PIP4K2A: variants seen among roughly 807,000 people sequenced by gnomAD.
PIP4K2A encodes the protein phosphatidylinositol-5-phosphate 4-kinase type 2 alpha, also known as phosphatidylinositol 5-phosphate 4-kinase type-2 alpha.
A neutral mutation model predicts 42.9 loss-of-function variants in PIP4K2A; 14 were observed. That is an observed-to-expected ratio of 0.33 (90% CI 0.22 to 0.51). The LOEUF (loss-of-function observed/expected upper bound fraction) is 0.51. Ranked by LOEUF, PIP4K2A falls within the 20% of genes least tolerant of loss-of-function variation. The pLI, the probability that PIP4K2A is intolerant of heterozygous loss-of-function variation, is 0.97. For synonymous variants in PIP4K2A, 192 were observed against 192.2 expected (o/e 1.00, Z 0.01); for missense variants, 434 against 519.8 (o/e 0.83, Z 1.61).
intron 1 of PIP4K2A, among the ~76,000 whole-genome samples, chr10:22,636,278 G>T (rs1838660852): frequency 1.3e-5 from 2 of 152,092 alleles, no homozygotes; most frequent in African/African-American, 2.4e-5. Context: ...TAAAGACAGG[G>T]TCTCATTCTG....
chr10:22,600,457 T>C (rs547479302), intron 3 of PIP4K2A, among the ~76,000 whole-genome samples: 1 of 152,254 alleles, frequency 6.6e-6, no homozygotes, highest in South Asian at 2.1e-4. Flanking sequence ...CCTCATGTTA[T>C]GGATGAGGAA....
At chr10:22,699,137 G>A (rs1208092843) in intron 1 of PIP4K2A, among the ~76,000 whole-genome samples, 1 of 152,022 alleles carries the variant, frequency 6.6e-6, no homozygotes, top group South Asian at 2.1e-4. Context: ...TTGGCGCAAC[G>A]TGCCAAAAAG....
At chr10:22,680,478 A>G (rs549807972) in intron 1 of PIP4K2A, among the ~76,000 whole-genome samples, 2 of 152,320 alleles carry the variant, frequency 1.3e-5, no homozygotes, top group Non-Finnish European at 2.9e-5. Flanking sequence ...CGTACCAGGA[A>G]CTCAAGTGGC....
At chr10:22,686,363 T>C (rs1300702728) in intron 1 of PIP4K2A, among the ~76,000 whole-genome samples, 2 of 152,180 alleles carry the variant, frequency 1.3e-5, no homozygotes, top group African/African-American at 2.4e-5. Flanking sequence ...CCTTTCAGGG[T>C]TCTGAAAACT....
intron 1 of PIP4K2A, among the ~76,000 whole-genome samples, chr10:22,675,450 G>T (rs1839537966): frequency 6.6e-6 from 1 of 152,066 alleles, no homozygotes; most frequent in Admixed American, 6.5e-5. Flanking sequence ...GCCGAACATG[G>T]TGTCGTGTGC....
intron 7 of PIP4K2A, among the ~76,000 whole-genome samples, chr10:22,542,317 G>GGATTTTACCAGATAGCAAGGCTA (rs1836142901): frequency 1.3e-5 from 2 of 152,190 alleles, no homozygotes; most frequent in South Asian, 4.1e-4. Flanking sequence ...CAGGGTGGCT[G>GGATTTTACCAGATAGCAAGGCTA]GATTTCACCA....
At chr10:22,661,120 C>A (rs960982401) in intron 1 of PIP4K2A, among the ~76,000 whole-genome samples, 3 of 152,320 alleles carry the variant, frequency 2.0e-5, no homozygotes, top group Admixed American at 2.0e-4. Flanking sequence ...AAAGTGAACA[C>A]CACTTCAGTT....
At chr10:22,669,278 T>C (rs1839405428) in intron 1 of PIP4K2A, among the ~76,000 whole-genome samples, 1 of 152,090 alleles carries the variant, frequency 6.6e-6, no homozygotes, top group South Asian at 2.1e-4. Context: ...ATAACGACAC[T>C]GCAGTCAAGG....
intron 1 of PIP4K2A, among the ~76,000 whole-genome samples, chr10:22,699,229 T>C (rs1833661169): frequency 6.6e-6 from 1 of 152,308 alleles, no homozygotes; most frequent in Middle Eastern, 3.4e-3. Flanking sequence ...CATTTAACTT[T>C]CCATCTGGGT....
chr10:22,575,514 C>A (rs1214471395), intron 4 of PIP4K2A, among the ~76,000 whole-genome samples: 1 of 152,196 alleles, frequency 6.6e-6, no homozygotes, highest in Non-Finnish European at 1.5e-5. Flanking sequence ...GTCAAGAAAT[C>A]TTTTGAATAT....
Position 22,644,086 on chromosome 10 carries a change from G to A in PIP4K2A, c.145-34369C>T, listed in dbSNP as rs190737876. ...AAGCATCCCCAAAACTAAACAACAC[G>A]TAAATATGAAGTCCTGTTCTCCCCT... On this transcript the variant is annotated intron_variant, in intron 1 of 9. Coordinates refer to ENST00000376573, the MANE Select transcript of PIP4K2A (RefSeq NM_005028.5). Among the ~76,000 whole-genome samples, 12 of 152,176 alleles carry A rather than the reference G, an allele frequency of 7.9e-5. No individual in the cohort carries two copies. In the South Asian group the frequency reaches 1.7e-3, roughly 21 times the overall value.
intron 1 of PIP4K2A, among the ~76,000 whole-genome samples, chr10:22,611,850 G>T (rs149119129): frequency 6.6e-6 from 1 of 152,204 alleles, no homozygotes; most frequent in Non-Finnish European, 1.5e-5. Context: ...TCAGCACTTC[G>T]ATATCTTGTG....
intron 1 of PIP4K2A, among the ~76,000 whole-genome samples, chr10:22,617,384 T>C (rs1838198554): frequency 6.6e-6 from 1 of 152,248 alleles, no homozygotes; most frequent in African/African-American, 2.4e-5. Flanking sequence ...GTGTGACATT[T>C]AAAAAATAAA....
chr10:22,712,479 C>A (rs1833927549), intron 1 of PIP4K2A, among the ~76,000 whole-genome samples: 1 of 152,096 alleles, frequency 6.6e-6, no homozygotes. Context: ...GTAAGCACTA[C>A]AGTATTCATC....
chr10:22,584,680 T>C (rs556982037), intron 4 of PIP4K2A, among the ~76,000 whole-genome samples: 2 of 152,262 alleles, frequency 1.3e-5, no homozygotes, highest in South Asian at 4.1e-4. Context: ...GGGCACTCAT[T>C]GGGCCACAGG....
At position 22,667,324 on chromosome 10, in the gene PIP4K2A, G is replaced by A. The variant is rs183915953; in HGVS notation, c.144+46859C>T. On this transcript the variant is annotated intron_variant, in intron 1 of 9. Transcript: ENST00000376573. ...AAAAAGAAAGCAACCACAGAGTTTT[G>A]ATGTGTGTATTCAAACAGAGCACGT... Among the ~76,000 whole-genome samples, 11 of 152,286 alleles carry A rather than the reference G, an allele frequency of 7.2e-5. No individual in the cohort carries two copies. In the East Asian group the frequency reaches 2.1e-3, roughly 29 times the overall value.
At position 22,644,830 on chromosome 10, in the gene PIP4K2A, T is replaced by C. The variant is rs1564453680; in HGVS notation, c.145-35113A>G. On this transcript the variant is annotated intron_variant, in intron 1 of 9. Transcript: ENST00000376573. ...TAGTGGACAGGCCATAAATATTCAATAAATAAATGAACTAAATGAACCAAC... is the reference window on the plus strand; with the variant it reads ...TAGTGGACAGGCCATAAATATTCAACAAATAAATGAACTAAATGAACCAAC... Among the ~76,000 whole-genome samples, 3 of 152,188 alleles carry C rather than the reference T, an allele frequency of 2.0e-5. No individual in the cohort carries two copies. In the South Asian group the frequency reaches 6.2e-4, roughly 31 times the overall value.
intron 8 of PIP4K2A, 103 bp downstream of exon 8, chr10:22,541,701 G>A: frequency 7.6e-7 from 1 of 1,315,338 alleles, no homozygotes; most frequent in Non-Finnish European, 1.0e-6. Context: ...GATGAGTGCT[G>A]CCGGGCAGCA....
chr10:22,607,986 A>G lies in PIP4K2A; in HGVS notation c.280T>C (p.Cys94Arg). Reference protein sequence around the residue: ...MPSHFKFKEYCPMVFRNLRER... With the variant: ...MPSHFKFKEYRPMVFRNLRER... Reference sequence around the variant, plus strand: ...CGCAGGTTACGGAAGACCATCGGGCAGTATTCCTTAAACTTGAAATGGCTC... The same window carrying G: ...CGCAGGTTACGGAAGACCATCGGGCGGTATTCCTTAAACTTGAAATGGCTC... Residue 94 changes from cysteine to arginine, a missense_variant, in exon 3 of 10, where the codon TGC (cysteine) becomes CGC (arginine). This residue lies in a region of PIP4K2A where 395 missense variants were observed against 444.5 expected (regional missense o/e 0.89). Transcript: ENST00000376573. The G allele has an allele frequency of 6.2e-7, 1 of 1,613,282 alleles. No homozygotes were observed. The highest frequency in any genetic ancestry group is 1.1e-5 in the South Asian group (1 of 90,950).
Sources: allele counts gnomAD v4.1 joint callset (sites outside exome capture counted in the v4.1 genomes callset), GRCh38; gene constraint gnomAD v4.1.1; regional missense constraint gnomAD v4.1.1; transcripts MANE v1.5; gene names NCBI Gene and HGNC (gene_info 2026-07-23, HGNC 2026-07-21).